The following SCNN1G variants were observed in gnomAD, a reference collection of about 807,000 sequenced individuals.
The protein encoded by SCNN1G is epithelial sodium channel subunit gamma.
In SCNN1G, 27 loss-of-function variants were observed where a neutral mutation model predicts 64.6. The ratio of observed to expected loss-of-function variants is 0.42; its 90% CI spans 0.31 to 0.58. The LOEUF (loss-of-function observed/expected upper bound fraction) is 0.58. Ranked by LOEUF, SCNN1G falls within the 20% of genes least tolerant of loss-of-function variation. SCNN1G has a pLI of 0.18. For synonymous variants in SCNN1G, 330 were observed against 314.2 expected (o/e 1.05, Z -0.53); for missense variants, 743 against 823.4 (o/e 0.90, Z 1.19).
intron 6 of SCNN1G, among the ~76,000 whole-genome samples, chr16:23,198,591 CA>C (rs1223030094): frequency 6.7e-6 from 1 of 149,434 alleles, no homozygotes; most frequent in Admixed American, 6.7e-5. Flanking sequence ...CAAAAAAAAT[CA>C]CCAGGCATGG....
chr16:23,209,986 A>G (rs1023356153), intron 7 of SCNN1G, 138 bp downstream of exon 7: 7 of 714,724 alleles, frequency 9.8e-6, no homozygotes, highest in South Asian at 7.4e-5. Context: ...CCTCAAGAAC[A>G]AATGATGCCG....
intron 7 of SCNN1G, among the ~76,000 whole-genome samples, chr16:23,210,915 G>T (rs1960068547): frequency 6.6e-6 from 1 of 152,100 alleles, no homozygotes; most frequent in Middle Eastern, 3.2e-3. Flanking sequence ...GTGCACACCT[G>T]TAATCTCAGC....
Position 23,215,602 on chromosome 16 carries a change from C to A in SCNN1G, c.*133C>A. ...CTTTTCAGATACTCTGACCAAAAAG[C>A]CTGCTTTAAACCGCAAGATGGGGCC... On this transcript the variant is annotated 3_prime_UTR_variant, in exon 13 of 13. Coordinates refer to ENST00000300061, the MANE Select transcript of SCNN1G (RefSeq NM_001039.4). The A allele has an allele frequency of 8.6e-7, 1 of 1,160,906 alleles. No individual in the cohort carries two copies. Among genetic ancestry groups the A allele is most frequent in the Non-Finnish European group, 1.3e-6 (1 of 799,638 alleles). The allele number at this position is 1,160,906 out of a possible 1,614,324, so 71.9% of individuals were successfully genotyped here.
Position 23,212,751 on chromosome 16 carries a change from C to CT in SCNN1G, c.1369dup (p.Cys457LeufsTer4). 6.2e-7 allele frequency: 1 copy of CT among 1,614,032 alleles called. No individual in the cohort carries two copies. Among genetic ancestry groups the CT allele is most frequent in the Non-Finnish European group, 8.5e-7 (1 of 1,179,910 alleles). ...GCTGCCAGTCTGTGTGCAAGGAAGC[C>CT]TGCAGGTATGTGGACCCCAAGGGGT... On this transcript the variant is annotated frameshift_variant, in exon 9 of 13. Coordinates refer to ENST00000300061, the MANE Select transcript of SCNN1G (RefSeq NM_001039.4). LOFTEE classifies it high-confidence loss of function.
chr16:23,212,219 A>G (rs1378976273), intron 8 of SCNN1G, 68 bp downstream of exon 8: 11 of 948,906 alleles, frequency 1.2e-5, no homozygotes, highest in Non-Finnish European at 1.2e-5. Flanking sequence ...GGCAATAGGC[A>G]CTCCTGGGAC....
At position 23,202,264 on chromosome 16, in the gene SCNN1G, G is replaced by GTGGATGGA. The variant is rs766730532; in HGVS notation, c.1077+4879_1077+4886dup. On this transcript the variant is annotated intron_variant, in intron 6 of 12. Transcript: ENST00000300061. The stretch of plus-strand genomic sequence containing the variant: ...GACAGATGGATGGGTGGGTGGGTGG[G>GTGGATGGA]TGGATGGATGGATGGATGGATGGAT... Among the ~76,000 whole-genome samples the GTGGATGGA allele has an allele frequency of 1.8e-3, 173 of 98,718 alleles. 1 individual carries two copies. Among genetic ancestry groups the GTGGATGGA allele is most frequent in the Middle Eastern group, 5.4e-3 (1 of 186 alleles). The allele number at this position is 98,718 out of a possible 152,430, so 64.8% of individuals were successfully genotyped here.
rs764191951 is a variant in SCNN1G at position 23,182,998 on chromosome 16, G to C, written c.-45+185G>C. Among the ~76,000 whole-genome samples, 251 of 152,322 alleles carry C rather than the reference G, an allele frequency of 1.6e-3. 2 individuals carry two copies. The highest frequency in any genetic ancestry group is 3.8e-3 in the Admixed American group (58 of 15,312). The stretch of plus-strand genomic sequence containing the variant: ...GGGCGGTAGCGGCCAGCTCTCCCGG[G>C]TCTACCCACGCCGTGGCCCGGAGCA... On this transcript the variant is annotated intron_variant, in intron 1 of 12. Coordinates refer to ENST00000300061, the MANE Select transcript of SCNN1G (RefSeq NM_001039.4).
At chr16:23,204,611 G>C (rs1373601541) in intron 6 of SCNN1G, among the ~76,000 whole-genome samples, 4 of 150,474 alleles carry the variant, frequency 2.7e-5, no homozygotes, top group Non-Finnish European at 1.5e-5. Context: ...ATTATTTGCC[G>C]TATGTGTTGC....
chr16:23,201,532 A>C (rs11438775), intron 6 of SCNN1G, among the ~76,000 whole-genome samples: 1,413 of 79,832 alleles, frequency 0.018, 15 homozygotes, highest in South Asian at 0.03. Flanking sequence ...ACAACAACAA[A>C]AAAAAAAACA....
chr16:23,194,307 C>A, intron 5 of SCNN1G, 33 bp downstream of exon 5: 2 of 1,430,380 alleles, frequency 1.4e-6, no homozygotes, highest in South Asian at 1.1e-5. Context: ...GATCTTGAGG[C>A]CCTCCAATAG....
At chr16:23,213,329 T>C (rs922030370) in intron 11 of SCNN1G, among the ~76,000 whole-genome samples, 166 bp downstream of exon 11, 1 of 150,596 alleles carries the variant, frequency 6.6e-6, no homozygotes, top group Admixed American at 6.7e-5. Context: ...CTCAGCTCAC[T>C]GTAACTTCTG....
Position 23,209,864 on chromosome 16 carries a change from G to C in SCNN1G, c.1176+16G>C, listed in dbSNP as rs1960051610. On this transcript the variant is annotated intron_variant, in intron 7 of 12. Transcript: ENST00000300061. ...CTCGCTCCAGGTAACAGATTGGCAG[G>C]GGCACCCAGCCCTGGGTTTATGGCC... 6.3e-7 allele frequency: 1 copy of C among 1,580,290 alleles called. No homozygotes were observed. The highest frequency in any genetic ancestry group is 1.3e-5 in the African/African-American group (1 of 74,276).
Position 23,216,523 on chromosome 16 carries a change from G to A in SCNN1G, c.*1054G>A, listed in dbSNP as rs965477617. ...TGTTTAAAGCCAACCCAAGAACAGG[G>A]TGTTAGGTACTGTTTTAAGCACCTA... On this transcript the variant is annotated 3_prime_UTR_variant, in exon 13 of 13. Coordinates refer to ENST00000300061, the MANE Select transcript of SCNN1G (RefSeq NM_001039.4). The A allele has an allele frequency of 1.3e-5, 2 of 152,200 alleles. No individual in the cohort carries two copies. The highest frequency in any genetic ancestry group is 2.9e-5 in the Non-Finnish European group (2 of 68,040). The allele number at this position is 152,200 out of a possible 1,614,324, so 9.4% of individuals were successfully genotyped here. A position where few individuals can be genotyped will look rare whatever the true frequency, so the allele number is the denominator to read the frequency against.
At chr16:23,191,584 C>A (rs932785499) in intron 3 of SCNN1G, among the ~76,000 whole-genome samples, 2 of 152,150 alleles carry the variant, frequency 1.3e-5, no homozygotes, top group Admixed American at 6.5e-5. Flanking sequence ...CATCACCACA[C>A]CTGGATAATT....
intron 8 of SCNN1G, 25 bp from the exon 9 acceptor site, chr16:23,212,653 T>C: frequency 6.3e-7 from 1 of 1,597,892 alleles, no homozygotes; most frequent in South Asian, 1.1e-5. Context: ...CCAAAGCTCA[T>C]GCTGCCCTCT....
chr16:23,196,372 G>A (rs1285139035), intron 5 of SCNN1G: 2 of 145,546 alleles, frequency 1.4e-5, no homozygotes, highest in Non-Finnish European at 3.1e-5. Flanking sequence ...GAGATGAGGA[G>A]GGAGAAGTAG....
chr16:23,186,841 C>T (rs890260627), intron 2 of SCNN1G, among the ~76,000 whole-genome samples: 4 of 152,020 alleles, frequency 2.6e-5, no homozygotes, highest in Admixed American at 6.6e-5. Flanking sequence ...GATGGAGTTT[C>T]GCTCTTGTTG....
Position 23,187,202 on chromosome 16 carries a change from G to A in SCNN1G, c.317+614G>A, listed in dbSNP as rs957170388. ...TAGCTCCCTGCAGCCCCGACCTCCTGGGCTCAAGCAATTCTCCTACTGCAG... is the reference window on the plus strand; with the variant it reads ...TAGCTCCCTGCAGCCCCGACCTCCTAGGCTCAAGCAATTCTCCTACTGCAG... On this transcript the variant is annotated intron_variant, in intron 2 of 12. Transcript: ENST00000300061. Among the ~76,000 whole-genome samples, 3 of 150,110 alleles carry A rather than the reference G, an allele frequency of 2.0e-5. No homozygotes were observed. In the Admixed American group the frequency reaches 2.0e-4, roughly 10 times the overall value.
At chr16:23,194,682 C>T (rs539933759) in intron 5 of SCNN1G, among the ~76,000 whole-genome samples, 3 of 152,180 alleles carry the variant, frequency 2.0e-5, no homozygotes, top group East Asian at 1.9e-4. Flanking sequence ...TGGACGGAGC[C>T]GAAACCCAGC....
Sources: allele counts gnomAD v4.1 joint callset (sites outside exome capture counted in the v4.1 genomes callset), GRCh38; gene constraint gnomAD v4.1.1; transcripts MANE v1.5; gene names NCBI Gene and HGNC (gene_info 2026-07-23, HGNC 2026-07-21).